Variants in GSE1 observed in about 807,000 individuals in gnomAD.
GSE1 encodes the protein Gse1 coiled-coil protein.
Under a neutral mutation model 112.6 loss-of-function variants are expected in GSE1, and 32 were observed. The observed-to-expected ratio is 0.28, with a 90% CI of 0.21 to 0.38. GSE1 has a LOEUF of 0.38. Among genes scored for constraint, GSE1 ranks in the 10% least tolerant of loss-of-function variants. The pLI is 1.00. For synonymous variants in GSE1, 1,115 were observed against 735.6 expected, an observed-to-expected ratio of 1.52 and a Z score of -8.35; for missense variants, 2,348 against 1,699.2, an observed-to-expected ratio of 1.38 and a Z score of -6.71.
Position 85,668,228 on chromosome 16 carries a change from C to G in GSE1, c.3219C>G (p.Arg1073=), listed in dbSNP as rs756601856. The G allele has an allele frequency of 2.5e-6, 4 of 1,609,334 alleles. No homozygotes were observed. Among genetic ancestry groups the G allele is most frequent in the Non-Finnish European group, 3.4e-6 (4 of 1,175,684 alleles). Residue 1073 remains arginine (R), a synonymous_variant, in exon 14 of 16, where the codon CGC becomes CGG. Coordinates refer to ENST00000253458, the MANE Select transcript of GSE1 (RefSeq NM_014615.5). ...TTCCTGAGCTGCAGTCCTCCAGCCGCGCCCCTCCACCCCAGCACAATGGGC... is the reference window on the plus strand; with the variant it reads ...TTCCTGAGCTGCAGTCCTCCAGCCGGGCCCCTCCACCCCAGCACAATGGGC... The part of the protein sequence containing the change: ...YNIPELQSSS[R]APPPQHNGQQ...
chr16:85,552,208 G>C (rs1218987804), upstream of GSE1, among the ~76,000 whole-genome samples: 4 of 151,846 alleles, frequency 2.6e-5, no homozygotes, highest in Non-Finnish European at 5.9e-5. Context: ...TGTATTTTTA[G>C]TAGAGACGGG....
chr16:85,578,419 C>T (rs561473815), intron 1 of GSE1, among the ~76,000 whole-genome samples: 1 of 152,336 alleles, frequency 6.6e-6, no homozygotes, highest in African/African-American at 2.4e-5. Context: ...GGCTGGTTCC[C>T]ATTTCACATG....
At position 85,666,685 on chromosome 16, in the gene GSE1, A is replaced by AC. The variant is rs566534135; in HGVS notation, c.3130+339dup. 2.9e-4 allele frequency: 85 copies of AC among 290,402 alleles called. 1 individual carries two copies. In the South Asian group the frequency reaches 3.4e-3, roughly 12 times the overall value. 18.0% of individuals were successfully genotyped at this position (290,402 alleles called of 1,614,324 possible). A position where few individuals can be genotyped will look rare whatever the true frequency, so the allele number is the denominator to read the frequency against. On this transcript the variant is annotated intron_variant, in intron 13 of 15. Coordinates refer to ENST00000253458, the MANE Select transcript of GSE1 (RefSeq NM_014615.5). ...AAGATTCCCCAAAGGCAGGAAGAGC[A>AC]CTTGAGTGGATTTTTACCCGCATTC...
upstream of GSE1, among the ~76,000 whole-genome samples, chr16:85,606,446 C>G (rs1378011065): frequency 6.6e-6 from 1 of 152,236 alleles, no homozygotes. Context: ...TGCCCTCACA[C>G]AGCTGCACTG....
intron 2 of GSE1, among the ~76,000 whole-genome samples, chr16:85,482,966 A>C (rs147954471): frequency 0.044 from 6,017 of 135,974 alleles, 159 homozygotes; most frequent in East Asian, 0.11. Context: ...TGACAGAGTG[A>C]GACTCCGTCT....
intron 2 of GSE1, among the ~76,000 whole-genome samples, chr16:85,642,698 A>G (rs1252003465): frequency 2.6e-5 from 4 of 152,158 alleles, no homozygotes; most frequent in Non-Finnish European, 5.9e-5. Flanking sequence ...TCCGGTAGTT[A>G]CCGTTCTGTT....
At chr16:85,276,551 G>C (rs1276908519) in intron 1 of GSE1, among the ~76,000 whole-genome samples, 2 of 152,244 alleles carry the variant, frequency 1.3e-5, no homozygotes, top group Non-Finnish European at 2.9e-5. Flanking sequence ...GCCTCAGGGA[G>C]CAATATTAAG....
intron 2 of GSE1, among the ~76,000 whole-genome samples, chr16:85,459,775 C>T (rs1003925019): frequency 8.5e-5 from 13 of 152,232 alleles, no homozygotes; most frequent in African/African-American, 2.9e-4. Context: ...CTTGTTTTCC[C>T]TTCCCAGAGG....
intron 1 of GSE1, among the ~76,000 whole-genome samples, chr16:85,242,322 T>C (rs574974681): frequency 6.6e-6 from 1 of 152,314 alleles, no homozygotes; most frequent in Admixed American, 6.5e-5. Context: ...GGTCTGTCCC[T>C]GCTGGCCAGG....
intron 10 of GSE1, 78 bp downstream of exon 10, chr16:85,663,171 ACT>A: frequency 8.0e-7 from 1 of 1,245,342 alleles, no homozygotes. Flanking sequence ...AGTCCACCCC[ACT>A]GTTGCTAGGT....
chr16:85,670,269 T>C (rs1054721911), intron 14 of GSE1, among the ~76,000 whole-genome samples: 2 of 152,214 alleles, frequency 1.3e-5, no homozygotes, highest in African/African-American at 4.8e-5. Flanking sequence ...CTGATTGTCT[T>C]GTCACTCCAG....
chr16:85,589,166 T>G (rs2046848583), intron 1 of GSE1, among the ~76,000 whole-genome samples: 1 of 152,068 alleles, frequency 6.6e-6, no homozygotes, highest in African/African-American at 2.4e-5. Context: ...ACCGGCTTCC[T>G]AGCAGGAGCT....
chr16:85,339,203 C>T (rs969707013), intron 1 of GSE1, among the ~76,000 whole-genome samples: 4 of 152,204 alleles, frequency 2.6e-5, no homozygotes, highest in South Asian at 2.1e-4. Flanking sequence ...GGCTATTTTA[C>T]GTGATTGCAA....
intron 2 of GSE1, among the ~76,000 whole-genome samples, chr16:85,496,693 C>T (rs949177678): frequency 2.6e-5 from 4 of 152,166 alleles, no homozygotes; most frequent in African/African-American, 9.7e-5. Flanking sequence ...AAACAGGATT[C>T]GAGGCCGGGT....
rs3924280 is a variant in GSE1, at chr16:85,184,184, G to A, written c.2283+12377G>A. 6.0e-3 allele frequency among the ~76,000 whole-genome samples: 921 copies of A among 152,240 alleles called. 69 individuals are homozygous for A. The East Asian group carries it at 0.15, about 26-fold the overall frequency. On this transcript the variant is annotated intron_variant, in intron 1 of 2. Coordinates refer to the GSE1 transcript ENST00000637419. ...GTTCTGGGGAACAGGAAGAGTCTTG[G>A]GAAGGGCTTCTGGACCCCATTTGTG...
intron 2 of GSE1, among the ~76,000 whole-genome samples, chr16:85,527,806 G>T (rs1465504956): frequency 1.3e-5 from 2 of 152,236 alleles, no homozygotes; most frequent in African/African-American, 4.8e-5. Context: ...ATACAGGAGT[G>T]ACCGTCGAAG....
chr16:85,598,167 G>GTTTTTTTTTTTTTTT (rs973836177), intron 1 of GSE1, among the ~76,000 whole-genome samples: 2 of 71,556 alleles, frequency 2.8e-5, no homozygotes, highest in Non-Finnish European at 5.4e-5. Context: ...AGGTTTGGTT[G>GTTTTTTTTTTTTTTT]TTTTTTTTTT....
chr16:85,266,499 T>C (rs75233438), intron 1 of GSE1, among the ~76,000 whole-genome samples: 1,741 of 152,104 alleles, frequency 0.011, 39 homozygotes, highest in African/African-American at 0.04. Context: ...TTCCCAACTT[T>C]GAGGTAGCTT....
intron 2 of GSE1, among the ~76,000 whole-genome samples, chr16:85,387,062 G>A (rs373724842): frequency 1.4e-4 from 21 of 152,184 alleles, no homozygotes; most frequent in African/African-American, 5.1e-4. Flanking sequence ...CCACTTGAAA[G>A]ACAGAAAGGA....
Sources: gnomAD v4.1 joint callset for allele counts (sites outside exome capture counted in the v4.1 genomes callset) on GRCh38, gnomAD v4.1.1 for gene constraint, MANE v1.5 for transcripts, NCBI Gene and HGNC (gene_info 2026-07-23, HGNC 2026-07-21) for gene names.